Variants in PRPS2 observed in about 807,000 individuals in gnomAD.
PRPS2 encodes phosphoribosyl pyrophosphate synthetase 2.
For missense variants in PRPS2, 104 were observed against 271.5 expected (o/e 0.38, Z 4.34); for synonymous variants, 111 against 115.3 (o/e 0.96, Z 0.24).
chrX:12,808,639 C>A (rs2042606825), intron 2 of PRPS2, among the ~76,000 whole-genome samples: 1 of 111,921 alleles, frequency 8.9e-6, no homozygotes, highest in Non-Finnish European at 1.9e-5. Flanking sequence ...TTGTTTTTTT[C>A]CATTTGTAAT....
In PRPS2 at chrX:12,816,190, G is replaced by A. The variant is rs748671853; in HGVS notation, c.531-3317G>A. 7.2e-5 allele frequency among the ~76,000 whole-genome samples: 8 copies of A among 111,461 alleles called. No homozygotes were observed. The South Asian group carries it at 3.0e-3, about 42-fold the overall frequency. ...TAGTAATGATTCCCTTTGCTTCAAG[G>A]ACGTTGATGTCTTATTCTCTTATCT... On this transcript the variant is annotated intron_variant, in intron 4 of 6. Transcript: ENST00000380668.
intron 1 of PRPS2, among the ~76,000 whole-genome samples, chrX:12,792,186 G>T (rs2042522927): frequency 8.9e-6 from 1 of 112,762 alleles, no homozygotes; most frequent in South Asian, 3.6e-4. Flanking sequence ...GCCCCCAAGG[G>T]TTTGATCCAA....
At chrX:12,796,148 T>C (rs1288486831) in intron 1 of PRPS2, among the ~76,000 whole-genome samples, 1 of 109,913 alleles carries the variant, frequency 9.1e-6, no homozygotes, top group East Asian at 2.8e-4. Context: ...CCCAAGTAGC[T>C]GGGACTGTGG....
chrX:12,806,129 A>G (rs2042592587), intron 2 of PRPS2, among the ~76,000 whole-genome samples: 1 of 110,928 alleles, frequency 9.0e-6, no homozygotes, highest in African/African-American at 3.3e-5. Flanking sequence ...GGGAATAATT[A>G]CTTCTGAGGC....
chrX:12,815,831 T>C (rs1176345029), intron 4 of PRPS2, among the ~76,000 whole-genome samples: 1 of 109,655 alleles, frequency 9.1e-6, no homozygotes, highest in East Asian at 2.8e-4. Flanking sequence ...TTTGTAGAGA[T>C]GGAGTTTCAC....
intron 4 of PRPS2, 85 bp downstream of exon 4, chrX:12,810,231 G>A (rs1602413685): frequency 2.6e-6 from 3 of 1,141,338 alleles, no homozygotes; most frequent in Non-Finnish European, 2.4e-6. Context: ...GAAGCATGCT[G>A]TAAATTACTT....
At chrX:12,796,213 C>CTTT (rs751352461) in intron 1 of PRPS2, among the ~76,000 whole-genome samples, 170 of 38,582 alleles carry the variant, frequency 4.4e-3, no homozygotes, top group Middle Eastern at 0.014. Flanking sequence ...ATAATTGGCT[C>CTTT]TTTTTTTTTT....
rs780830683 is a variant in PRPS2 at position 12,822,730 on chromosome X, C to T, written c.891C>T (p.Ala297=). ...IQVIDISMIL[A]EAIRRTHNGE... is the part of the protein sequence containing the mutation. ...TCATTGACATTTCCATGATCTTGGC[C>T]GAAGCAATCCGAAGGACACACAATG... Residue 297 remains alanine (A), a synonymous_variant, in exon 7 of 7, where the codon GCC becomes GCT. Coordinates refer to ENST00000380668, the MANE Select transcript of PRPS2 (RefSeq NM_002765.5). The T allele has an allele frequency of 2.1e-5, 25 of 1,209,933 alleles. No individual in the cohort carries two copies. Among genetic ancestry groups the T allele is most frequent in the Non-Finnish European group, 2.6e-5 (23 of 895,001 alleles).
chrX:12,805,941 C>T (rs1024606603), intron 2 of PRPS2, among the ~76,000 whole-genome samples: 1 of 111,687 alleles, frequency 9.0e-6, no homozygotes, highest in Non-Finnish European at 1.9e-5. Context: ...GGCCTGGTGG[C>T]GTGTGCCTGT....
chrX:12,800,442 C>T (rs762656313), intron 2 of PRPS2, among the ~76,000 whole-genome samples: 12 of 111,659 alleles, frequency 1.1e-4, no homozygotes, highest in Admixed American at 2.9e-4. Flanking sequence ...TGCAAAGACC[C>T]TATTTCCAAA....
intron 1 of PRPS2, among the ~76,000 whole-genome samples, chrX:12,797,979 G>T (rs1192508704): frequency 2.7e-5 from 3 of 112,385 alleles, no homozygotes; most frequent in Non-Finnish European, 5.6e-5. Context: ...CAGGAGAGGG[G>T]GCAGGGAATC....
chrX:12,791,852 T>A (rs2042520860), intron 1 of PRPS2, among the ~76,000 whole-genome samples: 1 of 112,121 alleles, frequency 8.9e-6, no homozygotes, highest in Non-Finnish European at 1.9e-5. Context: ...TTGCAGGGCC[T>A]CCGGTCCTGG....
intron 2 of PRPS2, among the ~76,000 whole-genome samples, chrX:12,801,078 CA>C (rs2042566718): frequency 8.9e-6 from 1 of 111,830 alleles, no homozygotes; most frequent in African/African-American, 3.2e-5. Context: ...GAATTTTTTT[CA>C]ACCATTTAAA....
intron 4 of PRPS2, among the ~76,000 whole-genome samples, chrX:12,815,273 A>G (rs750675023): frequency 3.0e-4 from 33 of 111,159 alleles, no homozygotes; most frequent in Non-Finnish European, 4.9e-4. Flanking sequence ...GCCAAGAACC[A>G]CAGAGCTCAC....
intron 4 of PRPS2, among the ~76,000 whole-genome samples, chrX:12,815,194 G>A (rs1227188985): frequency 2.7e-5 from 3 of 111,707 alleles, no homozygotes; most frequent in Non-Finnish European, 5.6e-5. Flanking sequence ...TTCTTCTTCT[G>A]ACATTACCAT....
intron 6 of PRPS2, among the ~76,000 whole-genome samples, chrX:12,821,824 G>T (rs186141874): frequency 8.9e-6 from 1 of 112,231 alleles, no homozygotes; most frequent in Non-Finnish European, 1.9e-5. Context: ...CAGAGAGCTG[G>T]TAATCATATA....
chrX:12,815,176 CTCTTA>C (rs1255321013), intron 4 of PRPS2, among the ~76,000 whole-genome samples: 3 of 111,594 alleles, frequency 2.7e-5, no homozygotes, highest in Non-Finnish European at 5.6e-5. Flanking sequence ...GGGGTATTTT[CTCTTA>C]TCTTCTTCTT....
chrX:12,812,452 C>A, intron 4 of PRPS2, among the ~76,000 whole-genome samples: 1 of 111,131 alleles, frequency 9.0e-6, no homozygotes. Flanking sequence ...CAGGGTGAAA[C>A]CCCGTCTCTG....
At chrX:12,816,525 A>G (rs1328546304) in intron 4 of PRPS2, among the ~76,000 whole-genome samples, 1 of 111,425 alleles carries the variant, frequency 9.0e-6, no homozygotes, top group African/African-American at 3.3e-5. Flanking sequence ...CTGGTCTCCA[A>G]TTCCTGGGCT....
Sources: allele counts gnomAD v4.1 joint callset (sites outside exome capture counted in the v4.1 genomes callset), GRCh38; gene constraint gnomAD v4.1.1; transcripts MANE v1.5; gene names NCBI Gene and HGNC (gene_info 2026-07-23, HGNC 2026-07-21).